BPIFB4: variants seen among roughly 807,000 people sequenced by gnomAD.
BPIFB4 encodes BPI fold-containing family B member 4.
A neutral mutation model predicts 69.2 loss-of-function variants in BPIFB4; 62 were observed. That is an observed-to-expected ratio of 0.90 (90% CI 0.73 to 1.11). The LOEUF is 1.11. Ranked by LOEUF, BPIFB4 falls within the 50% of genes least tolerant of loss-of-function variation. The probability of loss-of-function intolerance (pLI) is 0.00; values close to 1 mark genes in which losing one functional copy is unlikely to be tolerated. For synonymous variants in BPIFB4, 330 were observed against 332.7 expected, an observed-to-expected ratio of 0.99 and a Z score of 0.09; for missense variants, 789 against 792.0, an observed-to-expected ratio of 1.00 and a Z score of 0.04.
intron 7 of BPIFB4, among the ~76,000 whole-genome samples, chr20:33,087,442 G>A (rs13042908): frequency 0.23 from 35,519 of 151,968 alleles, 4,295 homozygotes; most frequent in Admixed American, 0.3. Context: ...CCTATTGGGA[G>A]AATTTTCTGC....
At chr20:33,091,778 G>C (rs1300824733) in intron 10 of BPIFB4, among the ~76,000 whole-genome samples, 1 of 152,180 alleles carries the variant, frequency 6.6e-6, no homozygotes, top group Non-Finnish European at 1.5e-5. Flanking sequence ...TTTTGGAGGG[G>C]ACAGGCCATA....
chr20:33,103,672 C>G (rs1367564875), intron 15 of BPIFB4, among the ~76,000 whole-genome samples: 1 of 144,910 alleles, frequency 6.9e-6, no homozygotes, highest in Non-Finnish European at 1.5e-5. Context: ...CATCTGCTAG[C>G]TTTCTGGGAC....
chr20:33,108,983 C>T (rs1982156380), intron 17 of BPIFB4, among the ~76,000 whole-genome samples: 1 of 152,128 alleles, frequency 6.6e-6, no homozygotes, highest in Non-Finnish European at 1.5e-5. Context: ...ACCCAGGGAA[C>T]AGCCCCCTTC....
chr20:33,084,968 T>C lies in BPIFB4; in HGVS notation c.754T>C (p.Tyr252His). The C allele has an allele frequency of 6.2e-7, 1 of 1,612,174 alleles. No homozygotes were observed. The highest frequency in any genetic ancestry group is 8.5e-7 in the Non-Finnish European group (1 of 1,179,996). ...CGGCGTGGGTGTCTACCTGAGCTTG[T>C]ACACCCGTGTGGCCATCAACGGGAA... is the stretch of plus-strand genomic sequence containing the variant. Reference protein sequence around the residue: ...LPGVGVYLSLYTRVAINGKSL... With the variant: ...LPGVGVYLSLHTRVAINGKSL... The change falls in exon 6 of 18, where the codon TAC (tyrosine) becomes CAC (histidine). Residue 252 changes from tyrosine (Y) to histidine (H), a missense_variant. Tyr to His is a moderately conservative substitution (Grantham distance 83). Transcript: ENST00000375483.
At chr20:33,110,588 C>T (rs185103484) in intron 17 of BPIFB4, among the ~76,000 whole-genome samples, 7 of 152,310 alleles carry the variant, frequency 4.6e-5, no homozygotes, top group Non-Finnish European at 8.8e-5. Flanking sequence ...ACGGTTTTGT[C>T]TGCAACTGTT....
rs1273510993 is a variant in BPIFB4, at chr20:33,086,283, T to TG, written c.926+123dup. 3.0e-6 allele frequency: 4 copies of TG among 1,331,378 alleles called. No homozygotes were observed. The African/African-American group carries it at 5.8e-5, about 19-fold the overall frequency. The allele number at this position is 1,331,378 out of a possible 1,614,324, so 82.5% of individuals were successfully genotyped here. A position where few individuals can be genotyped will look rare whatever the true frequency, so the allele number is the denominator to read the frequency against. On this transcript the variant is annotated intron_variant, in intron 7 of 17. Coordinates refer to ENST00000375483, the MANE Select transcript of BPIFB4 (RefSeq NM_182519.3). ...TGGGGTGGGCAGGACGATGATGCTG[T>TG]GGGGTGGTGAGTACTCATGCTGAGC...
chr20:33,103,023 C>G lies in BPIFB4; in HGVS notation c.1680+9C>G, dbSNP rs1981949862. The G allele has an allele frequency of 6.2e-7, 1 of 1,613,360 alleles. No individual in the cohort carries two copies. The highest frequency in any genetic ancestry group is 8.5e-7 in the Non-Finnish European group (1 of 1,179,352). On this transcript the variant is annotated intron_variant, in intron 15 of 17. Transcript: ENST00000375483. ...ACGTGGGCAACTTTGATGTAAGTACCATGTTTAGTTCCCAGGGCAAGATCT... is the reference window on the plus strand; with the variant it reads ...ACGTGGGCAACTTTGATGTAAGTACGATGTTTAGTTCCCAGGGCAAGATCT...
chr20:33,101,630 T>C (rs951832019), intron 14 of BPIFB4, among the ~76,000 whole-genome samples: 1 of 152,190 alleles, frequency 6.6e-6, no homozygotes, highest in Non-Finnish European at 1.5e-5. Context: ...ACTGCAGCCT[T>C]GACCTCCCCA....
Position 33,111,472 on chromosome 20 carries a change from A to C in BPIFB4, c.*35A>C. 1 of 1,613,728 alleles carries C rather than the reference A, an allele frequency of 6.2e-7. No homozygotes were observed. Among genetic ancestry groups the C allele is most frequent in the South Asian group, 1.1e-5 (1 of 91,036 alleles). ...GCAGAGATGCTGCTGCAACTGGAAG[A>C]AGCTGGAACCAGTCCCAGAGAGGCT... On this transcript the variant is annotated 3_prime_UTR_variant, in exon 18 of 18. Coordinates refer to ENST00000375483, the MANE Select transcript of BPIFB4 (RefSeq NM_182519.3).
At chr20:33,096,001 A>G (rs552829737) in intron 12 of BPIFB4, among the ~76,000 whole-genome samples, 2 of 152,142 alleles carry the variant, frequency 1.3e-5, no homozygotes, top group East Asian at 3.9e-4. Context: ...GCTGCAATCT[A>G]TAGCCATTTT....
chr20:33,098,502 T>C lies in BPIFB4; in HGVS notation c.1569+715T>C, dbSNP rs573274870. 7.8e-4 allele frequency among the ~76,000 whole-genome samples: 118 copies of C among 152,216 alleles called. 2 individuals are homozygous for C. The South Asian group carries it at 0.024, about 31-fold the overall frequency. On this transcript the variant is annotated intron_variant, in intron 13 of 17. Transcript: ENST00000375483. ...GCTCACACTTGAGAACCCAGCTCTT[T>C]GAGAGGCTGAGGTGGGTGGATCACT...
intron 13 of BPIFB4, among the ~76,000 whole-genome samples, chr20:33,099,692 C>G (rs910633035): frequency 1.3e-5 from 2 of 152,164 alleles, no homozygotes; most frequent in Non-Finnish European, 2.9e-5. Flanking sequence ...CCTACATACC[C>G]TTCAGTCCTC....
chr20:33,090,356 A>G (rs1035520429), intron 9 of BPIFB4, among the ~76,000 whole-genome samples: 2 of 152,240 alleles, frequency 1.3e-5, no homozygotes, highest in African/African-American at 4.8e-5. Flanking sequence ...ACTAAGCACC[A>G]CATTGTGGAA....
At chr20:33,079,947 G>A (rs767314966) in intron 1 of BPIFB4, among the ~76,000 whole-genome samples, 1 of 152,164 alleles carries the variant, frequency 6.6e-6, no homozygotes, top group Admixed American at 6.5e-5. Context: ...GTTGGGTACC[G>A]AGGGCCTTTG....
chr20:33,089,170 G>A, intron 8 of BPIFB4, 141 bp downstream of exon 8: 1 of 1,314,730 alleles, frequency 7.6e-7, no homozygotes, highest in Non-Finnish European at 1.1e-6. Context: ...GTATTTGGAG[G>A]GTCTGGGGAG....
intron 7 of BPIFB4, among the ~76,000 whole-genome samples, chr20:33,086,849 G>C (rs927013924): frequency 2.0e-5 from 3 of 152,210 alleles, no homozygotes; most frequent in Non-Finnish European, 2.9e-5. Flanking sequence ...CTGTCCCCAG[G>C]TGGTGCTCTT....
chr20:33,081,825 A>G (rs1981239991), intron 3 of BPIFB4, among the ~76,000 whole-genome samples, 193 bp downstream of exon 3: 2 of 152,190 alleles, frequency 1.3e-5, no homozygotes, highest in African/African-American at 4.8e-5. Flanking sequence ...TGTGCCAAGC[A>G]CCATACTGGT....
At chr20:33,080,873 G>A (rs1246907622) in intron 2 of BPIFB4, among the ~76,000 whole-genome samples, 2 of 152,104 alleles carry the variant, frequency 1.3e-5, no homozygotes, top group African/African-American at 4.8e-5. Flanking sequence ...AGATATATGG[G>A]AAGATGGATG....
intron 14 of BPIFB4, among the ~76,000 whole-genome samples, chr20:33,101,241 A>C (rs1043470295): frequency 6.6e-6 from 1 of 152,156 alleles, no homozygotes; most frequent in African/African-American, 2.4e-5. Flanking sequence ...CAGTGGATTT[A>C]CTTACCCAGG....
Sources: allele counts gnomAD v4.1 joint callset (sites outside exome capture counted in the v4.1 genomes callset), GRCh38; gene constraint gnomAD v4.1.1; transcripts MANE v1.5; gene names NCBI Gene and HGNC (gene_info 2026-07-23, HGNC 2026-07-21).